SYN2: variants seen among roughly 807,000 people sequenced by gnomAD.
The protein encoded by SYN2 is synapsin II, also known as synapsin-2.
In SYN2, 19 loss-of-function variants were observed where a neutral mutation model predicts 50.9. The ratio of observed to expected loss-of-function variants is 0.37; its 90% CI spans 0.26 to 0.55. The LOEUF is 0.55. Among genes scored for constraint, SYN2 ranks in the 20% least tolerant of loss-of-function variants. The pLI is 0.81. For missense variants in SYN2, 587 were observed against 576.4 expected (o/e 1.02, Z -0.19); for synonymous variants, 255 against 224.9 (o/e 1.13, Z -1.20).
intron 1 of SYN2, among the ~76,000 whole-genome samples, chr3:12,062,893 T>C (rs1230508354): frequency 6.6e-6 from 1 of 151,970 alleles, no homozygotes; most frequent in African/African-American, 2.4e-5. Flanking sequence ...AGAATATTAT[T>C]CAGTGATAAA....
intron 1 of SYN2, among the ~76,000 whole-genome samples, chr3:12,103,692 C>T (rs987173078): frequency 4.6e-5 from 7 of 152,106 alleles, no homozygotes; most frequent in African/African-American, 1.7e-4. Flanking sequence ...CAAGCTTGGT[C>T]ACAGTCAACA....
chr3:12,107,395 A>G (rs1196967403), intron 1 of SYN2, among the ~76,000 whole-genome samples: 1 of 152,192 alleles, frequency 6.6e-6, no homozygotes, highest in Non-Finnish European at 1.5e-5. Context: ...GTTGCAGTAT[A>G]ATAACATTTG....
intron 1 of SYN2, among the ~76,000 whole-genome samples, chr3:12,054,185 A>G (rs1694938094): frequency 2.0e-5 from 3 of 152,296 alleles, no homozygotes; most frequent in African/African-American, 7.2e-5. Context: ...GAAAACTGTT[A>G]GAGTAGTCCA....
chr3:12,182,485 TA>T (rs1380058798), intron 10 of SYN2, among the ~76,000 whole-genome samples: 1 of 152,208 alleles, frequency 6.6e-6, no homozygotes, highest in East Asian at 1.9e-4. Context: ...CGTCAGGGCA[TA>T]ATCAGAATCA....
chr3:12,092,110 T>G (rs940730512), intron 1 of SYN2, among the ~76,000 whole-genome samples: 2 of 148,100 alleles, frequency 1.4e-5, no homozygotes, highest in Non-Finnish European at 3.0e-5. Flanking sequence ...CCAAATATGC[T>G]TTCTTTAACT....
At chr3:12,014,672 T>A (rs541127657) in intron 1 of SYN2, among the ~76,000 whole-genome samples, 1 of 152,200 alleles carries the variant, frequency 6.6e-6, no homozygotes, top group African/African-American at 2.4e-5. Flanking sequence ...AGTGTGAAAC[T>A]CCAACCTCAG....
chr3:12,010,230 G>A (rs1422392088), intron 1 of SYN2, among the ~76,000 whole-genome samples: 4 of 152,134 alleles, frequency 2.6e-5, no homozygotes, highest in South Asian at 2.1e-4. Context: ...TTAAGTTAGC[G>A]TTCCTATCTA....
At chr3:12,057,791 A>T (rs1347665323) in intron 1 of SYN2, among the ~76,000 whole-genome samples, 3 of 152,218 alleles carry the variant, frequency 2.0e-5, no homozygotes, top group Non-Finnish European at 4.4e-5. Flanking sequence ...TTTATGAAAA[A>T]ATATAGTGGA....
chr3:12,085,352 TACACACACACAC>T (rs55795895), intron 1 of SYN2, among the ~76,000 whole-genome samples: 2 of 149,266 alleles, frequency 1.3e-5, no homozygotes, highest in South Asian at 2.1e-4. Context: ...TGTTATGGAA[TACACACACACAC>T]ACACACACAC....
At chr3:12,164,341 T>C (rs1433432349) in intron 7 of SYN2, among the ~76,000 whole-genome samples, 1 of 152,202 alleles carries the variant, frequency 6.6e-6, no homozygotes, top group Admixed American at 6.5e-5. Flanking sequence ...TTCTAAAACA[T>C]TGATGAAGGC....
At chr3:12,146,620 A>G (rs1233188424) in intron 4 of SYN2, among the ~76,000 whole-genome samples, 1 of 152,206 alleles carries the variant, frequency 6.6e-6, no homozygotes, top group Non-Finnish European at 1.5e-5. Context: ...ATTTCTCTAC[A>G]TCCCACTGCC....
At chr3:12,053,877 A>G (rs187400949) in intron 1 of SYN2, among the ~76,000 whole-genome samples, 30 of 152,326 alleles carry the variant, frequency 2.0e-4, no homozygotes, top group South Asian at 4.1e-4. Context: ...GCAAACCTCA[A>G]TTAAAAATTT....
intron 1 of SYN2, among the ~76,000 whole-genome samples, chr3:12,044,199 A>ACACACACACACACC (rs1559397097): frequency 5.3e-5 from 8 of 149,906 alleles, no homozygotes; most frequent in African/African-American, 1.2e-4. Flanking sequence ...ACACACACAC[A>ACACACACACACACC]CACACACACA....
At chr3:12,022,937 T>C (rs1694175521) in intron 1 of SYN2, among the ~76,000 whole-genome samples, 1 of 145,070 alleles carries the variant, frequency 6.9e-6, no homozygotes, top group African/African-American at 2.5e-5. Flanking sequence ...AGCAACACCC[T>C]GCAGAGATAG....
At chr3:12,081,312 C>T (rs1695583682) in intron 1 of SYN2, among the ~76,000 whole-genome samples, 1 of 152,068 alleles carries the variant, frequency 6.6e-6, no homozygotes. Context: ...TTAATATTAC[C>T]TTCTGTTGAC....
intron 1 of SYN2, among the ~76,000 whole-genome samples, chr3:12,028,758 T>G (rs1407565299): frequency 1.3e-5 from 2 of 149,716 alleles, no homozygotes; most frequent in African/African-American, 2.5e-5. Context: ...TTGAGTTCTT[T>G]GTAGATTCTG....
chr3:12,124,292 T>C (rs570596774), intron 1 of SYN2, among the ~76,000 whole-genome samples: 1 of 152,046 alleles, frequency 6.6e-6, no homozygotes, highest in African/African-American at 2.4e-5. Context: ...ATATGTGACA[T>C]AGGAGGAGAG....
Position 12,004,477 on chromosome 3 carries a change from C to T in SYN2, c.-75C>T. Reference sequence around the variant, plus strand: ...CCTCAGCCGCCTCAGTCGCCTCAATCTCGCCTTCCGCCCTCGCTCTCCCTC... The same window carrying T: ...CCTCAGCCGCCTCAGTCGCCTCAATTTCGCCTTCCGCCCTCGCTCTCCCTC... On this transcript the variant is annotated 5_prime_UTR_variant, in exon 1 of 13. Transcript: ENST00000621198. 2 of 394,652 alleles carry T rather than the reference C, an allele frequency of 5.1e-6. No individual in the cohort carries two copies. Among genetic ancestry groups the T allele is most frequent in the Non-Finnish European group, 9.8e-6 (2 of 203,584 alleles). The allele number at this position is 394,652 out of a possible 1,614,324, so 24.4% of individuals were successfully genotyped here. A position where few individuals can be genotyped will look rare whatever the true frequency, so the allele number is the denominator to read the frequency against.
chr3:12,098,856 CATAT>C (rs35420190), intron 1 of SYN2, among the ~76,000 whole-genome samples: 22,539 of 133,620 alleles, frequency 0.17, 1,978 homozygotes, highest in African/African-American at 0.24. Context: ...AAAGCAAAAG[CATAT>C]ATATATATAT....
Sources: allele counts gnomAD v4.1 joint callset (sites outside exome capture counted in the v4.1 genomes callset), GRCh38; gene constraint gnomAD v4.1.1; transcripts MANE v1.5; gene names NCBI Gene and HGNC (gene_info 2026-07-23, HGNC 2026-07-21).